NEBL: variants seen among roughly 807,000 people sequenced by gnomAD.
NEBL encodes the protein nebulette, also known as LIM and SH3 protein 2.
In NEBL, 122 loss-of-function variants were observed where a neutral mutation model predicts 140.2. The observed-to-expected ratio is 0.87, with a 90% confidence interval of 0.75 to 1.01. NEBL has a LOEUF of 1.01. Ranked by LOEUF, NEBL falls within the 50% of genes least tolerant of loss-of-function variation. The pLI, the probability that NEBL is intolerant of heterozygous loss-of-function variation, is 0.00. For missense variants in NEBL, 1,365 were observed against 1,231.3 expected, an observed-to-expected ratio of 1.11 and a Z score of -1.62; for synonymous variants, 436 against 398.9, an observed-to-expected ratio of 1.09 and a Z score of -1.11.
In NEBL at chr10:21,049,143, A is replaced by G. The variant is rs114999839; in HGVS notation, c.165-28942T>C. On this transcript the variant is annotated intron_variant, in intron 2 of 6. Transcript: ENST00000417816. ...CACATTATGAAAAGTGATCCGTACT[A>G]AAAGTGTACTGATTAAAATGTTAAT... is the stretch of plus-strand genomic sequence containing the variant. Among the ~76,000 whole-genome samples, 981 of 152,360 alleles carry G rather than the reference A, an allele frequency of 6.4e-3. 13 individuals are homozygous for G. The highest frequency in any genetic ancestry group is 0.022 in the African/African-American group (918 of 41,576).
At chr10:21,284,669 C>G (rs1588600282) in intron 1 of NEBL, among the ~76,000 whole-genome samples, 1 of 152,004 alleles carries the variant, frequency 6.6e-6, no homozygotes, top group Admixed American at 6.6e-5. Context: ...CACTCTAGAC[C>G]TCAGAGACTC....
intron 1 of NEBL, among the ~76,000 whole-genome samples, chr10:21,260,865 G>A (rs931166034): frequency 3.3e-5 from 5 of 152,248 alleles, no homozygotes; most frequent in African/African-American, 9.6e-5. Context: ...CAACAGCAAC[G>A]AACAACAAAA....
At chr10:21,058,022 T>G (rs971926758) in intron 2 of NEBL, among the ~76,000 whole-genome samples, 8 of 152,356 alleles carry the variant, frequency 5.3e-5, no homozygotes, top group Middle Eastern at 6.8e-3. Flanking sequence ...TACATCACTT[T>G]GAAAACAGGG....
intron 3 of NEBL, among the ~76,000 whole-genome samples, chr10:21,196,822 C>T (rs939851456): frequency 6.6e-6 from 1 of 152,226 alleles, no homozygotes. Flanking sequence ...TTGACCCAGT[C>T]TATGTCAATA....
At chr10:20,901,068 A>G (rs1847850469), upstream of NEBL, among the ~76,000 whole-genome samples, 1 of 152,090 alleles carries the variant, frequency 6.6e-6, no homozygotes, top group Non-Finnish European at 1.5e-5. Flanking sequence ...CCCCTCACAA[A>G]CACAAGCTTT....
chr10:20,809,966 A>T (rs1837976022), intron 24 of NEBL, 68 bp from the exon 25 acceptor site: 2 of 1,129,714 alleles, frequency 1.8e-6, no homozygotes, highest in Admixed American at 4.2e-5. Flanking sequence ...AAAAAAAAAA[A>T]GCCAGTACCC....
At chr10:21,042,292 G>C (rs1288079963) in intron 2 of NEBL, among the ~76,000 whole-genome samples, 3 of 152,202 alleles carry the variant, frequency 2.0e-5, no homozygotes, top group African/African-American at 7.2e-5. Flanking sequence ...TACACAGCTA[G>C]TGAGTGTTGG....
At chr10:20,815,529 G>C in intron 22 of NEBL, 96 bp downstream of exon 22, 1 of 1,030,238 alleles carries the variant, frequency 9.7e-7, no homozygotes, top group Non-Finnish European at 1.5e-6. Context: ...AATGTTTCTT[G>C]AAAATAAGTT....
chr10:20,840,027 C>G (rs1250748030), intron 13 of NEBL, among the ~76,000 whole-genome samples: 1 of 152,118 alleles, frequency 6.6e-6, no homozygotes, highest in Admixed American at 6.5e-5. Context: ...GTGAAGACAT[C>G]TCCTTTGATG....
intron 1 of NEBL, among the ~76,000 whole-genome samples, chr10:21,287,913 A>G (rs956861225): frequency 3.0e-4 from 46 of 152,186 alleles, no homozygotes; most frequent in African/African-American, 1.1e-3. Context: ...AAAATTATGA[A>G]ACCATCTCTG....
At chr10:21,040,296 GT>G (rs1202867816) in intron 2 of NEBL, among the ~76,000 whole-genome samples, 1 of 152,060 alleles carries the variant, frequency 6.6e-6, no homozygotes, top group African/African-American at 2.4e-5. Flanking sequence ...AACCCAGGAG[GT>G]GGAGGTTGCT....
At chr10:20,843,702 T>C (rs1841600316) in intron 12 of NEBL, among the ~76,000 whole-genome samples, 1 of 152,138 alleles carries the variant, frequency 6.6e-6, no homozygotes, top group African/African-American at 2.4e-5. Context: ...TATTTTTAGT[T>C]GACACATAAT....
intron 1 of NEBL, among the ~76,000 whole-genome samples, chr10:21,253,368 GT>G (rs1842611478): frequency 6.6e-6 from 1 of 152,044 alleles, no homozygotes. Context: ...AGATTTATAG[GT>G]ACAGAGCACA....
intron 2 of NEBL, among the ~76,000 whole-genome samples, chr10:21,075,408 C>G (rs1019099551): frequency 6.6e-6 from 1 of 152,134 alleles, no homozygotes; most frequent in African/African-American, 2.4e-5. Context: ...TATCCTGAAA[C>G]AACACGACCT....
rs775720683 is a variant in NEBL at position 20,836,811 on chromosome 10, ACT to A, written c.1339-1190_1339-1189del. The stretch of plus-strand genomic sequence containing the variant: ...AAACTCTGCTTTACTCACCCTTCAA[ACT>A]CTCTGCAAGCCTAAATTTTCATGGC... On this transcript the variant is annotated intron_variant, in intron 13 of 27. Transcript: ENST00000377122. Among the ~76,000 whole-genome samples the A allele has an allele frequency of 1.4e-3, 216 of 151,562 alleles. 1 individual carries two copies. Among genetic ancestry groups the A allele is most frequent in the Non-Finnish European group, 2.6e-3 (177 of 67,894 alleles).
intron 18 of NEBL, among the ~76,000 whole-genome samples, chr10:20,826,021 T>G (rs45463591): frequency 0.055 from 8,451 of 152,302 alleles, 330 homozygotes; most frequent in Middle Eastern, 0.13. Flanking sequence ...TGGTACTATT[T>G]GCCTTTTCAA....
intron 4 of NEBL, among the ~76,000 whole-genome samples, chr10:20,948,033 T>C (rs1835266174): frequency 6.6e-6 from 1 of 152,248 alleles, no homozygotes; most frequent in East Asian, 1.9e-4. Context: ...GATGGATTTG[T>C]GCTGGGCCAC....
chr10:20,853,647 G>T (rs375339505), intron 9 of NEBL, among the ~76,000 whole-genome samples: 6 of 152,130 alleles, frequency 3.9e-5, no homozygotes, highest in Non-Finnish European at 5.9e-5. Flanking sequence ...AATCAGCTGG[G>T]CATGGTGACA....
chr10:20,802,978 T>G (rs1837260886), intron 26 of NEBL, among the ~76,000 whole-genome samples: 1 of 152,182 alleles, frequency 6.6e-6, no homozygotes, highest in African/African-American at 2.4e-5. Context: ...AAATGACCCC[T>G]TTGATAACCC....
Sources: allele counts gnomAD v4.1 joint callset (sites outside exome capture counted in the v4.1 genomes callset), GRCh38; gene constraint gnomAD v4.1.1; transcripts MANE v1.5; gene names NCBI Gene and HGNC (gene_info 2026-07-23, HGNC 2026-07-21).